SLC8A1: variants seen among roughly 807,000 people sequenced by gnomAD.
SLC8A1 encodes sodium/calcium exchanger 1.
In SLC8A1, 18 loss-of-function variants were observed where a neutral mutation model predicts 68.3. The ratio of observed to expected loss-of-function variants is 0.26; its 90% CI spans 0.18 to 0.39. The LOEUF (loss-of-function observed/expected upper bound fraction) is 0.39, where lower values mean the gene tolerates loss of function less well. Ranked by LOEUF, SLC8A1 falls within the 10% of genes least tolerant of loss-of-function variation. SLC8A1 has a pLI of 1.00. For missense variants in SLC8A1, 985 were observed against 1,156.7 expected (o/e 0.85, Z 2.15); for synonymous variants, 475 against 415.5 (o/e 1.14, Z -1.74).
chr2:40,382,089 T>C (rs1343530285), intron 2 of SLC8A1, among the ~76,000 whole-genome samples: 2 of 152,092 alleles, frequency 1.3e-5, no homozygotes, highest in Non-Finnish European at 2.9e-5. Flanking sequence ...CCAGAACCCC[T>C]GGCATTTCAG....
Position 40,508,702 on chromosome 2 carries a change from G to A in SLC8A1, c.-25+3647C>T, listed in dbSNP as rs115017004. 3.4e-3 allele frequency among the ~76,000 whole-genome samples: 524 copies of A among 152,164 alleles called. 3 individuals are homozygous for A. Among genetic ancestry groups the A allele is most frequent in the African/African-American group, 0.012 (498 of 41,534 alleles). ...GGATTCTGTTAGCAAAGAATATGCC[G>A]TCGATAAAACTTCCAAAGAAATTAT... On this transcript the variant is annotated intron_variant, in intron 1 of 7. Coordinates refer to the SLC8A1 transcript ENST00000402441.
chr2:40,338,870 T>C (rs1666835838), intron 2 of SLC8A1, among the ~76,000 whole-genome samples: 1 of 151,820 alleles, frequency 6.6e-6, no homozygotes, highest in Non-Finnish European at 1.5e-5. Context: ...AACAGCGTGC[T>C]GTATCTTATA....
chr2:40,412,727 A>G (rs892115720), intron 2 of SLC8A1, among the ~76,000 whole-genome samples: 2 of 152,206 alleles, frequency 1.3e-5, no homozygotes, highest in Admixed American at 6.6e-5. Flanking sequence ...CAAAGGCATG[A>G]GTCAGTCATG....
chr2:40,466,438 C>T (rs1485208514), intron 1 of SLC8A1, among the ~76,000 whole-genome samples: 1 of 152,164 alleles, frequency 6.6e-6, no homozygotes, highest in Admixed American at 6.5e-5. Context: ...AGGTCCTCTA[C>T]AGCTTTTACA....
chr2:40,115,685 A>C (rs2035186455), intron 7 of SLC8A1, 56 bp from the exon 11 acceptor site: 1 of 1,557,534 alleles, frequency 6.4e-7, no homozygotes, highest in East Asian at 2.2e-5. Context: ...ATGTCTTTGG[A>C]GTGCTGCAAG....
chr2:40,429,713 C>A, exon 2 of SLC8A1: 3 of 1,613,864 alleles, frequency 1.9e-6, no homozygotes, highest in East Asian at 2.2e-5. Flanking sequence ...CCGTCAGGCA[C>A]CACATAAACA....
intron 7 of SLC8A1, among the ~76,000 whole-genome samples, chr2:40,132,440 G>C (rs1176857797): frequency 6.6e-6 from 1 of 152,018 alleles, no homozygotes; most frequent in African/African-American, 2.4e-5. Context: ...ACCCTATACA[G>C]CTCCAGGAGG....
intron 2 of SLC8A1, among the ~76,000 whole-genome samples, chr2:40,332,355 C>A (rs2076500204): frequency 6.6e-6 from 1 of 150,468 alleles, no homozygotes. Flanking sequence ...TCTGGATTTA[C>A]CCTTTACTTC....
At chr2:40,099,392 T>C (rs1294238581) in exon 8 of SLC8A1, 1 of 152,066 alleles carries the variant, frequency 6.6e-6, no homozygotes, top group African/African-American at 2.4e-5. Context: ...GTATTACTGA[T>C]AAACCACCAC....
intron 1 of SLC8A1, among the ~76,000 whole-genome samples, chr2:40,437,805 C>A (rs1699722299): frequency 6.6e-6 from 1 of 151,952 alleles, no homozygotes; most frequent in Non-Finnish European, 1.5e-5. Flanking sequence ...TTTTATCTGC[C>A]AAGCTTTTCT....
At chr2:40,450,346 A>ATGTG (rs1234397248) in intron 1 of SLC8A1, among the ~76,000 whole-genome samples, 1 of 125,818 alleles carries the variant, frequency 7.9e-6, no homozygotes, top group Admixed American at 7.5e-5. Flanking sequence ...AAGAGAAAGC[A>ATGTG]TGTGAGTGTG....
At chr2:40,273,888 T>C (rs528949910) in intron 2 of SLC8A1, among the ~76,000 whole-genome samples, 1 of 150,286 alleles carries the variant, frequency 6.7e-6, no homozygotes, top group African/African-American at 2.5e-5. Context: ...TTTTCCATTT[T>C]AGTTGAGATG....
chr2:40,397,140 C>T (rs888865232), intron 2 of SLC8A1, among the ~76,000 whole-genome samples: 1 of 152,104 alleles, frequency 6.6e-6, no homozygotes, highest in African/African-American at 2.4e-5. Flanking sequence ...AGAACAGATA[C>T]ACAGTGTTTA....
exon 8 of SLC8A1, chr2:40,105,069 T>C (rs1371537727): frequency 6.6e-6 from 1 of 152,132 alleles, no homozygotes; most frequent in Non-Finnish European, 1.5e-5. Flanking sequence ...TTCCCCTCTA[T>C]ATTACAAGTT....
chr2:40,415,965 G>A (rs1693736847), intron 2 of SLC8A1, among the ~76,000 whole-genome samples: 1 of 150,602 alleles, frequency 6.6e-6, no homozygotes. Context: ...AGGAGGCTGA[G>A]GCAGGAGAAT....
chr2:40,188,342 G>C (rs2051089718), intron 2 of SLC8A1, among the ~76,000 whole-genome samples: 1 of 152,158 alleles, frequency 6.6e-6, no homozygotes, highest in African/African-American at 2.4e-5. Context: ...GTGGCAAAGA[G>C]CATCTTTTCT....
intron 2 of SLC8A1, chr2:40,213,289 C>G (rs1386925122): frequency 6.6e-6 from 1 of 152,156 alleles, no homozygotes; most frequent in East Asian, 1.9e-4. Flanking sequence ...TATCCACTGT[C>G]CACAGCCAAG....
intron 2 of SLC8A1, among the ~76,000 whole-genome samples, chr2:40,308,715 G>A (rs891539359): frequency 6.6e-6 from 1 of 152,062 alleles, no homozygotes; most frequent in Non-Finnish European, 1.5e-5. Context: ...TTCCAATAGG[G>A]GCTCAGTCCT....
At chr2:40,229,847 T>C (rs1248714099) in intron 2 of SLC8A1, among the ~76,000 whole-genome samples, 1 of 152,168 alleles carries the variant, frequency 6.6e-6, no homozygotes, top group African/African-American at 2.4e-5. Flanking sequence ...TAGGCAAAAG[T>C]ATGCAGGTTA....
Sources: allele counts gnomAD v4.1 joint callset (sites outside exome capture counted in the v4.1 genomes callset), GRCh38; gene constraint gnomAD v4.1.1; transcripts MANE v1.5; gene names NCBI Gene and HGNC (gene_info 2026-07-23, HGNC 2026-07-21).